Variants in NSD1 observed in about 807,000 individuals in gnomAD.
The protein encoded by NSD1 is histone-lysine N-methyltransferase, H3 lysine-36 specific.
Under a neutral mutation model 242.7 loss-of-function variants are expected in NSD1, and 26 were observed. The ratio of observed to expected loss-of-function variants is 0.11; its 90% CI spans 0.08 to 0.15. NSD1 has a LOEUF of 0.15. Ranked by LOEUF, NSD1 falls within the 10% of genes least tolerant of loss-of-function variation. NSD1 has a pLI of 1.00. For synonymous variants in NSD1, 1,106 were observed against 1,178.1 expected (o/e 0.94, Z 1.25); for missense variants, 2,495 against 3,272.8 (o/e 0.76, Z 5.80).
chr5:177,300,180 A>AT lies in NSD1; in HGVS notation c.*4724dup, dbSNP rs1760530694. ...GTAATTCTTTGTATATAGAAAAAAA[A>AT]TTTACTGTAAAGTAAAGTTTAACTT... On this transcript the variant is annotated 3_prime_UTR_variant, in exon 23 of 23. Transcript: ENST00000439151. 1 of 226,510 alleles carries AT rather than the reference A, an allele frequency of 4.4e-6. No individual in the cohort carries two copies. The highest frequency in any genetic ancestry group is 2.2e-5 in the African/African-American group (1 of 44,898). 14.0% of individuals were successfully genotyped at this position (226,510 alleles called of 1,614,324 possible). A position where few individuals can be genotyped will look rare whatever the true frequency, so the allele number is the denominator to read the frequency against.
intron 2 of NSD1, among the ~76,000 whole-genome samples, chr5:177,188,413 G>A (rs1031719155): frequency 1.1e-4 from 16 of 152,104 alleles, no homozygotes; most frequent in Admixed American, 3.9e-4. Context: ...TTTTTCCAGT[G>A]GGTTTGCATA....
chr5:177,219,155 C>T (rs1461615428), intron 5 of NSD1, among the ~76,000 whole-genome samples: 1 of 151,032 alleles, frequency 6.6e-6, no homozygotes. Context: ...ACAGACTTCT[C>T]TCTTAGTAGT....
chr5:177,247,565 TA>T (rs397881704), intron 10 of NSD1, among the ~76,000 whole-genome samples: 1,861 of 133,436 alleles, frequency 0.014, 18 homozygotes, highest in African/African-American at 0.033. Context: ...TGTCTCTACT[TA>T]AAAAAAAAAA....
At chr5:177,235,274 C>G (rs1289271695) in intron 5 of NSD1, among the ~76,000 whole-genome samples, 1 of 152,202 alleles carries the variant, frequency 6.6e-6, no homozygotes, top group African/African-American at 2.4e-5. Flanking sequence ...GTAAAATTAC[C>G]TTCAGGCTAT....
chr5:177,279,573 C>G (rs1758675825), intron 17 of NSD1, among the ~76,000 whole-genome samples: 1 of 150,290 alleles, frequency 6.7e-6, no homozygotes, highest in Admixed American at 6.6e-5. Context: ...ATAGCAGAAA[C>G]CTAGTTTATA....
intron 2 of NSD1, among the ~76,000 whole-genome samples, chr5:177,149,590 G>C (rs945721953): frequency 6.6e-6 from 1 of 152,118 alleles, no homozygotes; most frequent in African/African-American, 2.4e-5. Context: ...AAATTCCTGG[G>C]AAACAGTTTT....
chr5:177,280,930 A>G, intron 18 of NSD1, 96 bp downstream of exon 18: 1 of 1,320,222 alleles, frequency 7.6e-7, no homozygotes, highest in Non-Finnish European at 1.1e-6. Flanking sequence ...AGAAGAAAAT[A>G]ACACAGTTAA....
intron 14 of NSD1, chr5:177,266,439 G>T: frequency 1.6e-6 from 1 of 617,614 alleles, no homozygotes. Flanking sequence ...TAAAGAGGTG[G>T]CGGTTGTGAA....
At chr5:177,287,386 ATCCCAACAC>A in intron 20 of NSD1, among the ~76,000 whole-genome samples, 1 of 152,268 alleles carries the variant, frequency 6.6e-6, no homozygotes, top group Non-Finnish European at 1.5e-5. Flanking sequence ...CACGCCTATA[ATCCCAACAC>A]TTTGGGAGGC....
In NSD1 at chr5:177,235,808, T is replaced by C; in HGVS notation, c.3797-13T>C. ...CTTTTTGATTAATGTTGAATTTGTT[T>C]ATCATCTTTTAGCTGTGCGGTCAGA... On this transcript the variant is annotated splice_polypyrimidine_tract_variant and intron_variant, in intron 5 of 22. Coordinates refer to ENST00000439151, the MANE Select transcript of NSD1 (RefSeq NM_022455.5). 2 of 1,613,944 alleles carry C rather than the reference T, an allele frequency of 1.2e-6. No homozygotes were observed. The highest frequency in any genetic ancestry group is 1.7e-6 in the Non-Finnish European group (2 of 1,179,898).
intron 20 of NSD1, among the ~76,000 whole-genome samples, chr5:177,285,563 C>CAAAAAAAA (rs772293606): frequency 2.4e-5 from 2 of 81,906 alleles, no homozygotes; most frequent in African/African-American, 9.8e-5. Context: ...GATTCCATCT[C>CAAAAAAAA]AAAAAAAAAA....
chr5:177,281,689 G>C (rs1414291289), intron 18 of NSD1, among the ~76,000 whole-genome samples: 1 of 152,132 alleles, frequency 6.6e-6, no homozygotes, highest in Non-Finnish European at 1.5e-5. Flanking sequence ...GTCTCACTCT[G>C]TCGCCCAAAC....
At chr5:177,146,875 G>A (rs994353295) in intron 2 of NSD1, among the ~76,000 whole-genome samples, 3 of 151,614 alleles carry the variant, frequency 2.0e-5, no homozygotes, top group Non-Finnish European at 4.4e-5. Context: ...GATATGGTGG[G>A]TCATGCCTGT....
chr5:177,185,783 TG>T (rs1562171218), intron 2 of NSD1, among the ~76,000 whole-genome samples: 1 of 39,126 alleles, frequency 2.6e-5, no homozygotes, highest in Admixed American at 5.3e-4. Context: ...ATATTATATA[TG>T]TATATTATAT....
At chr5:177,248,948 G>A (rs1363291227) in intron 11 of NSD1, among the ~76,000 whole-genome samples, 1 of 152,074 alleles carries the variant, frequency 6.6e-6, no homozygotes, top group African/African-American at 2.4e-5. Flanking sequence ...TTTAAACTTC[G>A]GCAGTCTGGA....
rs1363824182 is a variant in NSD1, at chr5:177,185,937, T to TA, written c.928-5946dup. On this transcript the variant is annotated intron_variant, in intron 2 of 22. Coordinates refer to ENST00000439151, the MANE Select transcript of NSD1 (RefSeq NM_022455.5). ...ATATATATTTATATATATAAATAAATATATATAATATAGTTATATATTTAT... is the reference window on the plus strand; with the variant it reads ...ATATATATTTATATATATAAATAAATAATATATAATATAGTTATATATTTAT... 4.0e-4 allele frequency among the ~76,000 whole-genome samples: 36 copies of TA among 89,888 alleles called. No homozygotes were observed. In the East Asian group the frequency reaches 6.6e-3, roughly 16 times the overall value. The allele number at this position is 89,888 out of a possible 152,430, so 59.0% of individuals were successfully genotyped here.
intron 5 of NSD1, among the ~76,000 whole-genome samples, chr5:177,214,402 A>C (rs1763603711): frequency 6.6e-6 from 1 of 152,150 alleles, no homozygotes; most frequent in African/African-American, 2.4e-5. Flanking sequence ...GTCATGAATC[A>C]TGTACATGTA....
chr5:177,157,568 A>G (rs1211004206), intron 2 of NSD1, among the ~76,000 whole-genome samples: 1 of 152,040 alleles, frequency 6.6e-6, no homozygotes, highest in Non-Finnish European at 1.5e-5. Context: ...GTGTGGTGGC[A>G]TACACCTGTA....
intron 2 of NSD1, among the ~76,000 whole-genome samples, chr5:177,161,680 C>CTTTTT (rs57657595): frequency 2.4e-4 from 32 of 135,238 alleles, no homozygotes; most frequent in East Asian, 4.3e-4. Flanking sequence ...TTCTTTCTTT[C>CTTTTT]TTTTTTTTTT....
Sources: gnomAD v4.1 joint callset for allele counts (sites outside exome capture counted in the v4.1 genomes callset) on GRCh38, gnomAD v4.1.1 for gene constraint, MANE v1.5 for transcripts, NCBI Gene and HGNC (gene_info 2026-07-23, HGNC 2026-07-21) for gene names.